SPON1: variants seen among roughly 807,000 people sequenced by gnomAD.
The protein encoded by SPON1 is spondin 1, also known as spondin-1.
SPON1 carries 52 observed loss-of-function variants against 111.7 expected under a neutral mutation model. That is an observed-to-expected ratio of 0.47 (90% CI 0.37 to 0.59). SPON1 has a LOEUF of 0.59. Ranked by LOEUF, SPON1 falls within the 20% of genes least tolerant of loss-of-function variation. SPON1 has a pLI of 0.00. For missense variants in SPON1, 957 were observed against 1,068.5 expected (o/e 0.90, Z 1.46); for synonymous variants, 410 against 395.8 (o/e 1.04, Z -0.43).
intron 13 of SPON1, among the ~76,000 whole-genome samples, chr11:14,260,168 T>C (rs1471746735): frequency 6.6e-6 from 1 of 152,220 alleles, no homozygotes; most frequent in East Asian, 1.9e-4. Flanking sequence ...TGCAGATGTA[T>C]ACAGGCACAC....
chr11:14,185,016 T>G (rs1848271668), intron 6 of SPON1, among the ~76,000 whole-genome samples: 4 of 152,164 alleles, frequency 2.6e-5, no homozygotes, highest in Admixed American at 1.3e-4. Flanking sequence ...CCATCTCCAT[T>G]CATACCCAGC....
intron 6 of SPON1, among the ~76,000 whole-genome samples, chr11:14,139,107 C>A (rs565927777): frequency 1.3e-5 from 2 of 152,178 alleles, no homozygotes; most frequent in Admixed American, 1.3e-4. Flanking sequence ...CTTATCAAAG[C>A]CTGAATACCC....
chr11:14,069,670 T>A (rs534952916), intron 3 of SPON1, among the ~76,000 whole-genome samples: 1 of 152,284 alleles, frequency 6.6e-6, no homozygotes, highest in East Asian at 1.9e-4. Flanking sequence ...ACATAGTGCC[T>A]GGCACAAAAT....
intron 2 of SPON1, among the ~76,000 whole-genome samples, chr11:14,013,951 TTTCCA>T (rs1471273723): frequency 6.6e-6 from 1 of 152,210 alleles, no homozygotes; most frequent in Non-Finnish European, 1.5e-5. Context: ...TCAAAGCCTG[TTTCCA>T]TTATCGTGGA....
intron 7 of SPON1, among the ~76,000 whole-genome samples, chr11:14,248,353 A>G (rs972630574): frequency 6.6e-6 from 1 of 152,130 alleles, no homozygotes; most frequent in Non-Finnish European, 1.5e-5. Context: ...GGGATGAAAG[A>G]GTCAAAGGAG....
intron 5 of SPON1, among the ~76,000 whole-genome samples, chr11:14,105,191 T>C (rs990857084): frequency 4.6e-5 from 7 of 152,134 alleles, no homozygotes; most frequent in Non-Finnish European, 2.9e-5. Context: ...CTTTGTTTGC[T>C]CATTCATTCC....
intron 6 of SPON1, among the ~76,000 whole-genome samples, chr11:14,209,389 C>A (rs1424513595): frequency 6.6e-6 from 1 of 152,068 alleles, no homozygotes; most frequent in African/African-American, 2.4e-5. Context: ...TTAGGTATTT[C>A]TCCTAATGCT....
intron 3 of SPON1, among the ~76,000 whole-genome samples, chr11:14,057,593 G>A (rs1591363679): frequency 6.6e-6 from 1 of 152,084 alleles, no homozygotes; most frequent in African/African-American, 2.4e-5. Context: ...AAAAGTACTT[G>A]AGCTGATCAG....
chr11:14,256,786 T>A, intron 10 of SPON1, 94 bp downstream of exon 10: 4 of 953,998 alleles, frequency 4.2e-6, no homozygotes, highest in African/African-American at 1.6e-5. Flanking sequence ...CCATAAACCA[T>A]GTGCTTTGAC....
chr11:14,085,523 C>A (rs1168383401), intron 5 of SPON1, among the ~76,000 whole-genome samples: 1 of 152,208 alleles, frequency 6.6e-6, no homozygotes, highest in South Asian at 2.1e-4. Context: ...GTTTTGGTAC[C>A]AGTACCATGC....
chr11:14,010,955 T>C (rs1464297308), intron 2 of SPON1, among the ~76,000 whole-genome samples: 2 of 152,246 alleles, frequency 1.3e-5, no homozygotes, highest in African/African-American at 4.8e-5. Context: ...AGTAGGATCA[T>C]AGCTTTAGGA....
At chr11:14,208,428 A>G (rs1458069141) in intron 6 of SPON1, among the ~76,000 whole-genome samples, 4 of 152,124 alleles carry the variant, frequency 2.6e-5, no homozygotes, top group African/African-American at 7.2e-5. Context: ...TTTGATGCAA[A>G]TATATTTCAA....
rs566392729 is a variant in SPON1, at chr11:14,102,735, C to G, written c.676+22714C>G. The stretch of plus-strand genomic sequence containing the variant: ...GTTACTATGTAGACTCTCCTTCTGT[C>G]TGGGGCTGTCTGATGCTTTCTCATA... On this transcript the variant is annotated intron_variant, in intron 5 of 15. Coordinates refer to ENST00000576479, the MANE Select transcript of SPON1 (RefSeq NM_006108.4). Among the ~76,000 whole-genome samples the G allele has an allele frequency of 5.3e-5, 8 of 152,326 alleles. No homozygotes were observed. In the East Asian group the frequency reaches 1.5e-3, roughly 29 times the overall value.
chr11:14,013,545 C>G (rs1554913955), intron 2 of SPON1, among the ~76,000 whole-genome samples: 1 of 152,194 alleles, frequency 6.6e-6, no homozygotes, highest in Non-Finnish European at 1.5e-5. Context: ...GCTGCAATTG[C>G]CTGAAGTCCC....
At chr11:14,149,462 G>C (rs1847762985) in intron 6 of SPON1, among the ~76,000 whole-genome samples, 1 of 152,138 alleles carries the variant, frequency 6.6e-6, no homozygotes, top group Admixed American at 6.5e-5. Context: ...TAAAAAGTTA[G>C]AATAAGCTAA....
At chr11:14,201,870 A>G (rs1848468148) in intron 6 of SPON1, among the ~76,000 whole-genome samples, 1 of 152,300 alleles carries the variant, frequency 6.6e-6, no homozygotes, top group African/African-American at 2.4e-5. Context: ...GAAAGGAGAA[A>G]CAAAAAATTC....
At chr11:13,996,083 C>G (rs756519677) in intron 2 of SPON1, among the ~76,000 whole-genome samples, 6 of 152,066 alleles carry the variant, frequency 3.9e-5, no homozygotes, top group Middle Eastern at 3.2e-3. Flanking sequence ...CCTCACACCT[C>G]TATTTTAAAA....
intron 7 of SPON1, among the ~76,000 whole-genome samples, chr11:14,250,048 G>T (rs1554940548): frequency 6.6e-6 from 1 of 152,084 alleles, no homozygotes; most frequent in Non-Finnish European, 1.5e-5. Flanking sequence ...GATGTGAATT[G>T]TCTGTTCATA....
intron 6 of SPON1, among the ~76,000 whole-genome samples, chr11:14,168,032 C>A (rs61242336): frequency 6.6e-6 from 1 of 152,020 alleles, no homozygotes; most frequent in South Asian, 2.1e-4. Context: ...TTACCAAAAA[C>A]ACCTTCCCTA....
Sources: allele counts gnomAD v4.1 joint callset (sites outside exome capture counted in the v4.1 genomes callset), GRCh38; gene constraint gnomAD v4.1.1; transcripts MANE v1.5; gene names NCBI Gene and HGNC (gene_info 2026-07-23, HGNC 2026-07-21).